Variants in ATRX observed in about 807,000 individuals in gnomAD.
ATRX encodes ATRX chromatin remodeler.
In ATRX, 12 loss-of-function variants were observed where a neutral mutation model predicts 172.6. That is an observed-to-expected ratio of 0.07 (90% CI 0.04 to 0.11). The LOEUF (loss-of-function observed/expected upper bound fraction) is 0.11, where lower values mean the gene tolerates loss of function less well. ATRX is among the 10% of genes least tolerant of loss of function. ATRX has a pLI of 1.00. For missense variants in ATRX, 1,368 were observed against 1,767.4 expected, an observed-to-expected ratio of 0.77 and a Z score of 4.05; for synonymous variants, 674 against 594.7, an observed-to-expected ratio of 1.13 and a Z score of -1.94.
At chrX:77,663,675 C>T (rs1557124317) in intron 11 of ATRX, 117 bp from the exon 12 acceptor site, 2 of 578,601 alleles carry the variant, frequency 3.5e-6, no homozygotes, top group African/African-American at 2.3e-5. Flanking sequence ...TAGACACATA[C>T]TTTGGTATCA....
intron 12 of ATRX, among the ~76,000 whole-genome samples, chrX:77,660,389 C>A (rs1002120229): frequency 9.1e-6 from 1 of 109,435 alleles, no homozygotes; most frequent in Non-Finnish European, 1.9e-5. Context: ...CACGGTGAAA[C>A]CCTGTTTCTA....
At chrX:77,571,022 A>ACCTATCAGAACT (rs45464496) in intron 28 of ATRX, among the ~76,000 whole-genome samples, 7,337 of 111,642 alleles carry the variant, frequency 0.066, 276 homozygotes, top group African/African-American at 0.13. Context: ...ACCACTACAT[A>ACCTATCAGAACT]CCTATCAGAA....
At chrX:77,725,560 G>A (rs1557172220) in intron 1 of ATRX, among the ~76,000 whole-genome samples, 1 of 111,613 alleles carries the variant, frequency 9.0e-6, no homozygotes, top group African/African-American at 3.3e-5. Flanking sequence ...ACATAGGCAT[G>A]GGCAAGGACT....
chrX:77,532,043 G>C (rs2063593471), intron 30 of ATRX, among the ~76,000 whole-genome samples: 1 of 111,101 alleles, frequency 9.0e-6, no homozygotes, highest in Admixed American at 9.6e-5. Flanking sequence ...TTGCTACAGA[G>C]AGAATAAAAT....
intron 1 of ATRX, among the ~76,000 whole-genome samples, chrX:77,746,477 C>A (rs781933960): frequency 1.8e-5 from 2 of 111,636 alleles, no homozygotes; most frequent in African/African-American, 6.5e-5. Flanking sequence ...ACAGTCTTAC[C>A]ACCTAAAACT....
chrX:77,603,739 A>T (rs1262966851), intron 22 of ATRX, among the ~76,000 whole-genome samples: 8 of 111,295 alleles, frequency 7.2e-5, no homozygotes, highest in African/African-American at 2.6e-4. Context: ...TTACCCTACA[A>T]GGCTACAGTA....
At chrX:77,695,722 T>G (rs2072150764) in intron 5 of ATRX, among the ~76,000 whole-genome samples, 1 of 111,797 alleles carries the variant, frequency 8.9e-6, no homozygotes. Context: ...TTCTAATTTA[T>G]CCTAGTCAAG....
At chrX:77,557,306 T>C (rs2064842069) in intron 30 of ATRX, 145 bp downstream of exon 30, 2 of 550,109 alleles carry the variant, frequency 3.6e-6, no homozygotes, top group Non-Finnish European at 5.9e-6. Context: ...TTTATAATTT[T>C]CTAGACAAAA....
intron 7 of ATRX, among the ~76,000 whole-genome samples, 178 bp from the exon 8 acceptor site, chrX:77,685,184 A>C (rs1379338581): frequency 8.9e-6 from 1 of 112,301 alleles, no homozygotes; most frequent in African/African-American, 3.2e-5. Context: ...AAAAATTGGC[A>C]AATGAGATCA....
intron 1 of ATRX, among the ~76,000 whole-genome samples, chrX:77,752,784 T>C (rs1444431055): frequency 8.9e-6 from 1 of 112,109 alleles, no homozygotes; most frequent in African/African-American, 3.2e-5. Flanking sequence ...GATTTGCGTA[T>C]GTTGAACCAG....
chrX:77,542,693 A>T (rs1427990607), intron 30 of ATRX, among the ~76,000 whole-genome samples: 2 of 111,818 alleles, frequency 1.8e-5, no homozygotes, highest in Non-Finnish European at 3.8e-5. Flanking sequence ...TCTTTGACAA[A>T]CCTGACACAA....
chrX:77,737,578 T>A (rs2074659307), intron 1 of ATRX, among the ~76,000 whole-genome samples: 1 of 110,512 alleles, frequency 9.0e-6, no homozygotes, highest in Admixed American at 9.7e-5. Flanking sequence ...AAATTAATTG[T>A]ACATTTTTTA....
At position 77,682,427 on chromosome X, in the gene ATRX, T is replaced by C. The variant is rs2148587852; in HGVS notation, c.2829A>G (p.Lys943=). ...SLEVRKVAET[K]EKSKHLKTKT... ...TGGTTTTGAGATGCTTGCTCTTTTC[T>C]TTAGTTTCAGCAACTTTTCTAACTT... The change falls in exon 9 of 35, where the codon AAA becomes AAG. Residue 943 remains lysine, a synonymous_variant. Transcript: ENST00000373344. 4.1e-6 allele frequency: 5 copies of C among 1,211,713 alleles called. No individual in the cohort carries two copies. The highest frequency in any genetic ancestry group is 5.6e-6 in the Non-Finnish European group (5 of 895,434).
In ATRX at chrX:77,597,838, T is replaced by C. The variant is rs1407579467; in HGVS notation, c.5956+1573A>G. Reference sequence around the variant, plus strand: ...AAAGAAAAGGGAACATTTATGTTGGTGGGATTGTAAATTAGTTCACCGCCT... The same window carrying C: ...AAAGAAAAGGGAACATTTATGTTGGCGGGATTGTAAATTAGTTCACCGCCT... On this transcript the variant is annotated intron_variant, in intron 25 of 34. Coordinates refer to ENST00000373344, the MANE Select transcript of ATRX (RefSeq NM_000489.6). Among the ~76,000 whole-genome samples, 5 of 112,144 alleles carry C rather than the reference T, an allele frequency of 4.5e-5. No individual in the cohort carries two copies. In the Admixed American group the frequency reaches 4.7e-4, roughly 11 times the overall value.
intron 1 of ATRX, among the ~76,000 whole-genome samples, chrX:77,776,011 C>A (rs980844049): frequency 8.9e-6 from 1 of 111,741 alleles, no homozygotes; most frequent in African/African-American, 3.2e-5. Flanking sequence ...GGATTACAGG[C>A]ATGAGCCACT....
intron 1 of ATRX, among the ~76,000 whole-genome samples, chrX:77,762,760 A>C: frequency 9.0e-6 from 1 of 111,561 alleles, no homozygotes; most frequent in South Asian, 3.7e-4. Context: ...TAAAGGTAGA[A>C]TCTAGATGTT....
At chrX:77,774,148 G>A (rs1274385726) in intron 1 of ATRX, among the ~76,000 whole-genome samples, 4 of 110,051 alleles carry the variant, frequency 3.6e-5, no homozygotes, top group Non-Finnish European at 7.6e-5. Flanking sequence ...CTTGAACCTG[G>A]GAGATGGAGG....
At chrX:77,716,631 T>G (rs1013864496) in intron 2 of ATRX, among the ~76,000 whole-genome samples, 1 of 110,089 alleles carries the variant, frequency 9.1e-6, no homozygotes, top group Non-Finnish European at 1.9e-5. Flanking sequence ...TGATCCCAGC[T>G]ACTCAGGAGG....
intron 22 of ATRX, among the ~76,000 whole-genome samples, chrX:77,606,240 G>GTAAAA (rs782168572): frequency 1.8e-5 from 2 of 110,113 alleles, no homozygotes; most frequent in Non-Finnish European, 3.8e-5. Context: ...AAATGAAAAT[G>GTAAAA]TAAAATAAAA....
Sources: allele counts gnomAD v4.1 joint callset (sites outside exome capture counted in the v4.1 genomes callset), GRCh38; gene constraint gnomAD v4.1.1; transcripts MANE v1.5; gene names NCBI Gene and HGNC (gene_info 2026-07-23, HGNC 2026-07-21).